ZNF385D: variants seen among roughly 807,000 people sequenced by gnomAD.
ZNF385D encodes zinc finger protein 385D, also known as zinc finger protein 659.
A neutral mutation model predicts 35.8 loss-of-function variants in ZNF385D; 15 were observed. That is an observed-to-expected ratio of 0.42 (90% CI 0.28 to 0.64). The LOEUF (loss-of-function observed/expected upper bound fraction) is 0.64, where lower values mean the gene tolerates loss of function less well. ZNF385D is among the 30% of genes least tolerant of loss of function. The probability of loss-of-function intolerance (pLI) is 0.23; values close to 1 mark genes in which losing one functional copy is unlikely to be tolerated. For synonymous variants in ZNF385D, 212 were observed against 186.8 expected (o/e 1.13, Z -1.10); for missense variants, 474 against 494.6 (o/e 0.96, Z 0.39).
intron 3 of ZNF385D, among the ~76,000 whole-genome samples, chr3:22,011,779 G>T (rs188657799): frequency 6.6e-6 from 1 of 152,032 alleles, no homozygotes; most frequent in South Asian, 2.1e-4. Flanking sequence ...TAGTGAAATT[G>T]TATCTTACCG....
intron 3 of ZNF385D, among the ~76,000 whole-genome samples, chr3:22,116,762 C>T (rs1200568811): frequency 6.6e-6 from 1 of 151,976 alleles, no homozygotes; most frequent in Non-Finnish European, 1.5e-5. Flanking sequence ...CAAAGCCTAG[C>T]ATATATAGTG....
chr3:21,846,554 A>G (rs1464449263), intron 3 of ZNF385D, among the ~76,000 whole-genome samples: 1 of 152,070 alleles, frequency 6.6e-6, no homozygotes, highest in Admixed American at 6.6e-5. Context: ...TCCTCCAGGC[A>G]TATGAGAAAT....
intron 2 of ZNF385D, among the ~76,000 whole-genome samples, chr3:22,226,786 T>G (rs947209979): frequency 6.6e-6 from 1 of 152,208 alleles, no homozygotes; most frequent in African/African-American, 2.4e-5. Flanking sequence ...CTTTTCTCTG[T>G]ACCCCATTAT....
intron 3 of ZNF385D, among the ~76,000 whole-genome samples, chr3:21,786,681 A>T (rs1302832457): frequency 1.3e-5 from 2 of 152,200 alleles, no homozygotes; most frequent in Non-Finnish European, 1.5e-5. Context: ...AAGGCCATTT[A>T]TACTTTTCTG....
intron 2 of ZNF385D, chr3:22,372,328 C>G: frequency 1.9e-6 from 1 of 522,732 alleles, no homozygotes; most frequent in Non-Finnish European, 2.5e-6. Flanking sequence ...TTCCGCGCCC[C>G]CCATGCGAGC....
chr3:22,191,672 TAA>T (rs1244486535), intron 2 of ZNF385D, among the ~76,000 whole-genome samples: 2 of 152,104 alleles, frequency 1.3e-5, no homozygotes, highest in East Asian at 1.9e-4. Context: ...CTTCAAAAAT[TAA>T]GAGACACTAA....
intron 3 of ZNF385D, among the ~76,000 whole-genome samples, chr3:22,000,266 C>T (rs1045347364): frequency 1.3e-5 from 2 of 151,060 alleles, no homozygotes; most frequent in East Asian, 2.0e-4. Context: ...GATCATGCCA[C>T]GGCACTCCAG....
At chr3:21,663,734 A>G (rs1393076250) in intron 2 of ZNF385D, among the ~76,000 whole-genome samples, 1 of 151,400 alleles carries the variant, frequency 6.6e-6, no homozygotes, top group Admixed American at 6.6e-5. Context: ...CCCTACAAAA[A>G]GCAAAGGGAT....
intron 3 of ZNF385D, among the ~76,000 whole-genome samples, chr3:21,511,250 G>T (rs954929650): frequency 2.6e-5 from 4 of 152,092 alleles, no homozygotes; most frequent in Non-Finnish European, 5.9e-5. Flanking sequence ...TATCTTAAGA[G>T]AAATGTAGCT....
At chr3:21,836,243 TA>T (rs1458012088) in intron 3 of ZNF385D, among the ~76,000 whole-genome samples, 2 of 152,124 alleles carry the variant, frequency 1.3e-5, no homozygotes, top group African/African-American at 4.8e-5. Context: ...GAGAAAAACA[TA>T]AATATGGAGG....
intron 3 of ZNF385D, among the ~76,000 whole-genome samples, chr3:21,810,545 T>A (rs574832193): frequency 9.2e-5 from 14 of 151,894 alleles, no homozygotes; most frequent in African/African-American, 3.1e-4. Flanking sequence ...TATGTGTGTG[T>A]ATGTATGTAT....
At chr3:22,120,885 T>C (rs1034849471) in intron 3 of ZNF385D, among the ~76,000 whole-genome samples, 1 of 152,120 alleles carries the variant, frequency 6.6e-6, no homozygotes, top group African/African-American at 2.4e-5. Flanking sequence ...AAACAATGAC[T>C]TTTAATGGCA....
At chr3:21,905,936 T>C (rs1699663133) in intron 3 of ZNF385D, among the ~76,000 whole-genome samples, 1 of 152,178 alleles carries the variant, frequency 6.6e-6, no homozygotes, top group African/African-American at 2.4e-5. Context: ...GACTGAACCA[T>C]GTAGCTGGAA....
chr3:22,184,682 C>T (rs1021648441), intron 2 of ZNF385D, among the ~76,000 whole-genome samples: 1 of 152,086 alleles, frequency 6.6e-6, no homozygotes, highest in Non-Finnish European at 1.5e-5. Context: ...CAAAAATTAG[C>T]CAGGCGTGGT....
chr3:21,641,791 A>G (rs2065614446), intron 2 of ZNF385D, among the ~76,000 whole-genome samples: 1 of 152,008 alleles, frequency 6.6e-6, no homozygotes, highest in Non-Finnish European at 1.5e-5. Context: ...TAGTGAGTGT[A>G]AAAGAGTCCT....
At chr3:22,125,120 A>C (rs1234320753) in intron 3 of ZNF385D, among the ~76,000 whole-genome samples, 2 of 152,126 alleles carry the variant, frequency 1.3e-5, no homozygotes, top group African/African-American at 4.8e-5. Flanking sequence ...AGCTAGTCCC[A>C]TTCTTTTGCA....
intron 2 of ZNF385D, among the ~76,000 whole-genome samples, chr3:22,179,972 C>T (rs1232355183): frequency 6.6e-6 from 1 of 152,128 alleles, no homozygotes; most frequent in East Asian, 1.9e-4. Flanking sequence ...CACAAAAAAC[C>T]CTTCAAAAAA....
intron 3 of ZNF385D, among the ~76,000 whole-genome samples, chr3:21,550,745 T>C (rs2125596007): frequency 6.6e-6 from 1 of 152,314 alleles, no homozygotes; most frequent in African/African-American, 2.4e-5. Context: ...CCTCCCAAAG[T>C]GCTGGGATTA....
At chr3:22,092,659 G>C (rs1701393522) in intron 3 of ZNF385D, among the ~76,000 whole-genome samples, 1 of 151,956 alleles carries the variant, frequency 6.6e-6, no homozygotes, top group Admixed American at 6.6e-5. Flanking sequence ...CCTATAATTT[G>C]CTATTACTCT....
Sources: allele counts gnomAD v4.1 joint callset (sites outside exome capture counted in the v4.1 genomes callset), GRCh38; gene constraint gnomAD v4.1.1; transcripts MANE v1.5; gene names NCBI Gene and HGNC (gene_info 2026-07-23, HGNC 2026-07-21).